Variants in CDCP1 observed in about 807,000 individuals in gnomAD.
CDCP1 encodes CUB domain-containing protein 1.
CDCP1 carries 29 observed loss-of-function variants against 60.2 expected under a neutral mutation model. The observed-to-expected ratio is 0.48, with a 90% CI of 0.36 to 0.66. The LOEUF is 0.66. CDCP1 is among the 30% of genes least tolerant of loss of function. The pLI is 0.00. For missense variants in CDCP1, 876 were observed against 1,074.3 expected, an observed-to-expected ratio of 0.82 and a Z score of 2.58; for synonymous variants, 387 against 431.1, an observed-to-expected ratio of 0.90 and a Z score of 1.27.
Position 45,091,968 on chromosome 3 carries a change from T to C in CDCP1, c.1628-430A>G, listed in dbSNP as rs1210811782. Among the ~76,000 whole-genome samples the C allele has an allele frequency of 6.6e-6, 1 of 152,146 alleles. No individual in the cohort carries two copies. Among genetic ancestry groups the C allele is most frequent in the East Asian group, 1.9e-4 (1 of 5,182 alleles). On this transcript the variant is annotated intron_variant, in intron 6 of 8. Transcript: ENST00000296129. The surrounding 1 kb of genome is among the most constrained non-coding windows in gnomAD (Gnocchi z 4.8). ...GCCACCATGACCGGCTAATTTTTTG[T>C]ATTTTTAGTAGAGATGGGGTTTCAC... is the stretch of plus-strand genomic sequence containing the variant.
At position 45,084,786 on chromosome 3, in the gene CDCP1, T is replaced by C. The variant is rs1698162507; in HGVS notation, c.*852A>G. The C allele has an allele frequency of 6.6e-6, 1 of 152,626 alleles. No homozygotes were observed. Among genetic ancestry groups the C allele is most frequent in the African/African-American group, 2.4e-5 (1 of 41,448 alleles). 9.5% of individuals were successfully genotyped at this position (152,626 alleles called of 1,614,324 possible). A position where few individuals can be genotyped will look rare whatever the true frequency, so the allele number is the denominator to read the frequency against. On this transcript the variant is annotated 3_prime_UTR_variant, in exon 9 of 9. Transcript: ENST00000296129. ...CTGTTTGGTATATATTTAAACATTT[T>C]TAGAGGATGAGAATATTCTCTAAAT... is the stretch of plus-strand genomic sequence containing the variant.
chr3:45,093,828 C>T (rs554919988), intron 5 of CDCP1, among the ~76,000 whole-genome samples, 171 bp from the exon 6 acceptor site: 34 of 152,286 alleles, frequency 2.2e-4, no homozygotes, highest in African/African-American at 8.2e-4. Context: ...CCTTTTCTAG[C>T]GGTCCCTCTG....
chr3:45,142,469 T>C (rs180815044), intron 1 of CDCP1, among the ~76,000 whole-genome samples: 2 of 152,320 alleles, frequency 1.3e-5, no homozygotes, highest in East Asian at 3.9e-4. Flanking sequence ...ACTGTCCAGA[T>C]TCTATTTGCC....
chr3:45,109,636 G>A (rs1467722920), intron 4 of CDCP1, among the ~76,000 whole-genome samples: 1 of 151,950 alleles, frequency 6.6e-6, no homozygotes, highest in African/African-American at 2.4e-5. Context: ...ACACCCCTCA[G>A]GGCCAAGACT....
chr3:45,121,643 G>A (rs1559397164), intron 1 of CDCP1, among the ~76,000 whole-genome samples: 1 of 151,886 alleles, frequency 6.6e-6, no homozygotes, highest in Non-Finnish European at 1.5e-5. Context: ...AGTGCTAGAC[G>A]CTAAGCAGAG....
At chr3:45,133,900 C>T (rs1025222724) in intron 1 of CDCP1, among the ~76,000 whole-genome samples, 1 of 152,100 alleles carries the variant, frequency 6.6e-6, no homozygotes, top group Admixed American at 6.6e-5. Flanking sequence ...CTCCGATGTC[C>T]TCACCACCTC....
At chr3:45,087,915 G>C (rs977324506) in intron 8 of CDCP1, among the ~76,000 whole-genome samples, 1 of 151,974 alleles carries the variant, frequency 6.6e-6, no homozygotes, top group Non-Finnish European at 1.5e-5. Flanking sequence ...CCAGCTACTC[G>C]GGAGGCTGAG....
intron 8 of CDCP1, 28 bp downstream of exon 8, chr3:45,089,026 G>A: frequency 1.3e-6 from 2 of 1,570,440 alleles, no homozygotes; most frequent in South Asian, 2.2e-5. Context: ...CATCAAATCA[G>A]ATAAAGAGAG....
chr3:45,144,364 G>T (rs547590800), intron 1 of CDCP1, among the ~76,000 whole-genome samples: 1 of 152,270 alleles, frequency 6.6e-6, no homozygotes, highest in East Asian at 1.9e-4. Flanking sequence ...AAGACTACAG[G>T]CAACTACTCC....
intron 4 of CDCP1, among the ~76,000 whole-genome samples, chr3:45,103,246 G>C (rs1289376330): frequency 6.6e-6 from 1 of 152,116 alleles, no homozygotes; most frequent in Non-Finnish European, 1.5e-5. Context: ...ATACTCTTTT[G>C]TCTCTGGCTT....
At chr3:45,110,883 T>C (rs940171726) in intron 3 of CDCP1, 42 bp from the exon 4 acceptor site, 1 of 1,577,728 alleles carries the variant, frequency 6.3e-7, no homozygotes, top group East Asian at 2.2e-5. Flanking sequence ...TAGGGAGCCA[T>C]TAGACCCTGT....
intron 4 of CDCP1, among the ~76,000 whole-genome samples, chr3:45,100,848 G>A (rs1394470701): frequency 6.6e-6 from 1 of 152,176 alleles, no homozygotes; most frequent in Non-Finnish European, 1.5e-5. Context: ...CTGGTATATG[G>A]TAGAGGATCA....
At position 45,095,291 on chromosome 3, in the gene CDCP1, C is replaced by T. The variant is rs947965702; in HGVS notation, c.1246+56G>A. On this transcript the variant is annotated intron_variant, in intron 5 of 8. Coordinates refer to ENST00000296129, the MANE Select transcript of CDCP1 (RefSeq NM_022842.5). ...CCCAGGGAACCCCACTAAGGCAAGGCGGGGAGAGAAGAGCTATCCATGGCC... is the reference window on the plus strand; with the variant it reads ...CCCAGGGAACCCCACTAAGGCAAGGTGGGGAGAGAAGAGCTATCCATGGCC... The T allele has an allele frequency of 1.7e-5, 25 of 1,505,100 alleles. No homozygotes were observed. In the Admixed American group the frequency reaches 2.1e-4, roughly 12 times the overall value. 93.2% of individuals were successfully genotyped at this position (1,505,100 alleles called of 1,614,324 possible). A position where few individuals can be genotyped will look rare whatever the true frequency, so the allele number is the denominator to read the frequency against.
intron 4 of CDCP1, among the ~76,000 whole-genome samples, chr3:45,106,204 T>C (rs541776913): frequency 6.6e-6 from 1 of 152,336 alleles, no homozygotes; most frequent in African/African-American, 2.4e-5. Context: ...AACACCTGTC[T>C]GTTTTTTTGT....
intron 1 of CDCP1, among the ~76,000 whole-genome samples, chr3:45,131,394 C>T (rs755237458): frequency 2.0e-5 from 3 of 152,176 alleles, no homozygotes; most frequent in Non-Finnish European, 4.4e-5. Flanking sequence ...TTACCACCAT[C>T]CGCCTCTGGA....
intron 1 of CDCP1, among the ~76,000 whole-genome samples, chr3:45,120,143 A>G (rs1698858370): frequency 6.6e-6 from 1 of 152,196 alleles, no homozygotes; most frequent in Non-Finnish European, 1.5e-5. Flanking sequence ...TAATTTTACC[A>G]TAACTGCTAG....
At chr3:45,089,529 G>C (rs997841245) in intron 7 of CDCP1, among the ~76,000 whole-genome samples, 2 of 152,190 alleles carry the variant, frequency 1.3e-5, no homozygotes, top group Non-Finnish European at 2.9e-5. Context: ...AAAGGCCATA[G>C]ACATATGTCT....
intron 1 of CDCP1, among the ~76,000 whole-genome samples, chr3:45,134,089 G>GC (rs1252642389): frequency 6.6e-6 from 1 of 152,034 alleles, no homozygotes; most frequent in Non-Finnish European, 1.5e-5. Context: ...TGGGATGTCA[G>GC]CTTCCCCACT....
chr3:45,091,328 G>T lies in CDCP1; in HGVS notation c.1838C>A (p.Thr613Asn), dbSNP rs769027255. 3.7e-6 allele frequency: 6 copies of T among 1,614,154 alleles called. No individual in the cohort carries two copies. The South Asian group carries it at 6.6e-5, about 18-fold the overall frequency. ...CAGGCTGAAGATCTCCTCAGCCCGG[G>T]TCCGCTGCTCCTGGATGATCATGAA... The part of the protein sequence containing the change: ...RAFMIIQEQR[T>N]RAEEIFSLDE... The change falls in exon 7 of 9, where the codon ACC (threonine) becomes AAC (asparagine). Residue 613 changes from threonine (T) to asparagine (N), a missense_variant. By Grantham distance (65) the Thr-to-Asn change is moderately conservative. Around this residue, in one of 2 missense-constraint regions of CDCP1, gnomAD observed 726 missense variants for 935.7 expected, o/e 0.78. Transcript: ENST00000296129. This position sits in a 1 kb window ranked among gnomAD's most constrained non-coding sequence, Gnocchi z 4.8.
Sources: allele counts gnomAD v4.1 joint callset (sites outside exome capture counted in the v4.1 genomes callset), GRCh38; gene constraint gnomAD v4.1.1; regional missense constraint gnomAD v4.1.1; non-coding constraint Gnocchi (gnomAD v3.1); transcripts MANE v1.5; gene names NCBI Gene and HGNC (gene_info 2026-07-23, HGNC 2026-07-21).